Variants in JMJD1C observed in about 807,000 individuals in gnomAD.
JMJD1C encodes jumonji domain containing 1C.
A neutral mutation model predicts 245.3 loss-of-function variants in JMJD1C; 31 were observed. The ratio of observed to expected loss-of-function variants is 0.13; its 90% CI spans 0.09 to 0.17. The LOEUF is 0.17. Ranked by LOEUF, JMJD1C falls within the 10% of genes least tolerant of loss-of-function variation. The pLI, the probability that JMJD1C is intolerant of heterozygous loss-of-function variation, is 1.00. For missense variants in JMJD1C, 2,691 were observed against 3,000.2 expected (o/e 0.90, Z 2.41); for synonymous variants, 1,057 against 1,017.4 (o/e 1.04, Z -0.74).
chr10:63,342,594 T>C (rs890185090), intron 2 of JMJD1C, among the ~76,000 whole-genome samples: 2 of 152,224 alleles, frequency 1.3e-5, no homozygotes, highest in Non-Finnish European at 2.9e-5. Flanking sequence ...TGTTGTCTGT[T>C]CTTGCTGTTA....
At chr10:63,472,348 T>A (rs1953515823) in intron 1 of JMJD1C, among the ~76,000 whole-genome samples, 1 of 152,172 alleles carries the variant, frequency 6.6e-6, no homozygotes, top group South Asian at 2.1e-4. Flanking sequence ...ATTATTTATT[T>A]TTTTGAGTCA....
chr10:63,330,754 G>T lies in JMJD1C; in HGVS notation c.333+49564C>A, dbSNP rs1202642379. On this transcript the variant is annotated intron_variant, in intron 2 of 25. Coordinates refer to ENST00000399262, the MANE Select transcript of JMJD1C (RefSeq NM_032776.3). ...CACAGATAATATTCTAAAATCAAAA[G>T]TTAAAACCATTTCTTCTTTAACAGT... is the stretch of plus-strand genomic sequence containing the variant. Among the ~76,000 whole-genome samples, 3 of 152,028 alleles carry T rather than the reference G, an allele frequency of 2.0e-5. No homozygotes were observed. In the East Asian group the frequency reaches 5.8e-4, roughly 29 times the overall value.
chr10:63,176,665 C>A, intron 23 of JMJD1C, 192 bp from the exon 24 acceptor site: 1 of 562,816 alleles, frequency 1.8e-6, no homozygotes. Context: ...TAAAACAATA[C>A]AGCAATGCTG....
intron 22 of JMJD1C, among the ~76,000 whole-genome samples, chr10:63,180,791 C>T (rs931370141): frequency 7.0e-6 from 1 of 143,244 alleles, no homozygotes; most frequent in Non-Finnish European, 1.5e-5. Flanking sequence ...TTTTTTGAGA[C>T]GGAGTCTCGC....
chr10:63,315,163 T>G (rs1467053994), intron 2 of JMJD1C, among the ~76,000 whole-genome samples: 4 of 152,078 alleles, frequency 2.6e-5, no homozygotes, highest in Admixed American at 2.6e-4. Context: ...CACTTGCAAG[T>G]CTGTTACCTG....
At chr10:63,412,502 C>T (rs1949547012) in intron 1 of JMJD1C, among the ~76,000 whole-genome samples, 1 of 152,166 alleles carries the variant, frequency 6.6e-6, no homozygotes, top group Admixed American at 6.5e-5. Flanking sequence ...CAGCATCACA[C>T]TGAGTTTTAA....
At position 63,189,178 on chromosome 10, in the gene JMJD1C, T is replaced by C. The variant is rs1844474733; in HGVS notation, c.6560A>G (p.Lys2187Arg). 1 of 1,608,026 alleles carries C rather than the reference T, an allele frequency of 6.2e-7. No individual in the cohort carries two copies. Among genetic ancestry groups the C allele is most frequent in the Non-Finnish European group, 8.5e-7 (1 of 1,177,618 alleles). The change falls in exon 18 of 26, where the codon AAA (lysine) becomes AGA (arginine). Residue 2187 changes from lysine to arginine, a missense_variant. This residue lies in a region of JMJD1C where 232 missense variants were observed against 416.1 expected (regional missense o/e 0.56). Coordinates refer to ENST00000399262, the MANE Select transcript of JMJD1C (RefSeq NM_032776.3). ...SNWKLFKECWKQGQPAVVSGV... is the reference protein window; with the variant it reads ...SNWKLFKECWRQGQPAVVSGV... ...GCCTAAAATACACACCTGTCCTTGT[T>C]TCCAACATTCTTTGAAAAGCTTCCA...
intron 5 of JMJD1C, 148 bp downstream of exon 5, chr10:63,217,059 T>C: frequency 1.6e-6 from 1 of 639,116 alleles, no homozygotes; most frequent in Non-Finnish European, 2.6e-6. Context: ...CTCTATGTAA[T>C]ATCAGATACA....
chr10:63,410,825 A>G (rs1949434040), intron 1 of JMJD1C, among the ~76,000 whole-genome samples: 1 of 152,198 alleles, frequency 6.6e-6, no homozygotes, highest in Admixed American at 6.5e-5. Context: ...AAAAGTAGAT[A>G]AGAGCCGTAT....
At chr10:63,300,063 A>G (rs1184298844) in intron 2 of JMJD1C, among the ~76,000 whole-genome samples, 1 of 149,162 alleles carries the variant, frequency 6.7e-6, no homozygotes, top group Non-Finnish European at 1.5e-5. Flanking sequence ...CTAGAAAAAC[A>G]GCTAAGTATA....
chr10:63,493,625 G>C (rs1400467061), intron 1 of JMJD1C, among the ~76,000 whole-genome samples: 2 of 152,042 alleles, frequency 1.3e-5, no homozygotes, highest in Non-Finnish European at 1.5e-5. Flanking sequence ...GTTAATTACA[G>C]GCGTGAGCCA....
At chr10:63,443,225 T>C (rs1951497576) in intron 1 of JMJD1C, among the ~76,000 whole-genome samples, 1 of 152,208 alleles carries the variant, frequency 6.6e-6, no homozygotes, top group African/African-American at 2.4e-5. Flanking sequence ...GTAAGGGAGC[T>C]TCCAGCTTCC....
intron 24 of JMJD1C, among the ~76,000 whole-genome samples, chr10:63,171,121 C>T (rs1157712791): frequency 6.6e-6 from 1 of 151,884 alleles, no homozygotes; most frequent in African/African-American, 2.4e-5. Context: ...TGATAAATGA[C>T]CAAACACAAT....
upstream of JMJD1C, among the ~76,000 whole-genome samples, chr10:63,469,590 T>G (rs1953425071): frequency 1.3e-5 from 2 of 152,194 alleles, no homozygotes; most frequent in South Asian, 4.1e-4. Flanking sequence ...CCTTTATCCT[T>G]GAGAAGCTCA....
At chr10:63,331,710 T>C (rs560306061) in intron 2 of JMJD1C, among the ~76,000 whole-genome samples, 1 of 152,296 alleles carries the variant, frequency 6.6e-6, no homozygotes, top group East Asian at 1.9e-4. Flanking sequence ...CTTCCCAGGT[T>C]CAAGTGATTC....
chr10:63,315,496 T>C (rs1939876900), intron 2 of JMJD1C, among the ~76,000 whole-genome samples: 1 of 152,208 alleles, frequency 6.6e-6, no homozygotes, highest in African/African-American at 2.4e-5. Flanking sequence ...ACTCAGTTTT[T>C]ATTTGCCTGG....
rs111867652 is a variant in JMJD1C, at chr10:63,242,737, C to T, written c.447+21914G>A. 3.3e-3 allele frequency among the ~76,000 whole-genome samples: 505 copies of T among 151,986 alleles called. 1 individual carries two copies. Among genetic ancestry groups the T allele is most frequent in the African/African-American group, 0.012 (480 of 41,462 alleles). ...CGAGACTCTGTCTCAAAAACAAAAA[C>T]AGATTACTTTTCTAATGAGTCTCTT... On this transcript the variant is annotated intron_variant, in intron 3 of 25. Transcript: ENST00000399262.
At chr10:63,282,591 T>C (rs761354517) in intron 2 of JMJD1C, among the ~76,000 whole-genome samples, 5 of 152,230 alleles carry the variant, frequency 3.3e-5, no homozygotes, top group Non-Finnish European at 7.3e-5. Context: ...CTTCCCTTTC[T>C]AGCATGTTAA....
At position 63,183,432 on chromosome 10, in the gene JMJD1C, T is replaced by C. The variant is rs763787735; in HGVS notation, c.7084+15A>G. 1 of 1,600,180 alleles carries C rather than the reference T, an allele frequency of 6.2e-7. No homozygotes were observed. Among genetic ancestry groups the C allele is most frequent in the Non-Finnish European group, 8.5e-7 (1 of 1,172,134 alleles). On this transcript the variant is annotated intron_variant, in intron 22 of 25. Transcript: ENST00000399262. ...CAACTCTTATTTCAAAGACTACTTA[T>C]TCTTTTAAGTTTACCTGCTTTTGAG...
Sources: allele counts gnomAD v4.1 joint callset (sites outside exome capture counted in the v4.1 genomes callset), GRCh38; gene constraint gnomAD v4.1.1; regional missense constraint gnomAD v4.1.1; transcripts MANE v1.5; gene names NCBI Gene and HGNC (gene_info 2026-07-23, HGNC 2026-07-21).